Variants in KLHL4 observed in about 807,000 individuals in gnomAD.
KLHL4 encodes kelch like family member 4.
KLHL4 carries 17 observed loss-of-function variants against 45.8 expected under a neutral mutation model. The observed-to-expected ratio is 0.37, with a 90% CI of 0.25 to 0.56. The LOEUF (loss-of-function observed/expected upper bound fraction) is 0.56, where lower values mean the gene tolerates loss of function less well. KLHL4 is among the 20% of genes least tolerant of loss of function. KLHL4 has a pLI of 0.79. For missense variants in KLHL4, 544 were observed against 544.9 expected, an observed-to-expected ratio of 1.00 and a Z score of 0.02; for synonymous variants, 224 against 189.9, an observed-to-expected ratio of 1.18 and a Z score of -1.47.
chrX:87,598,071 GT>G (rs1335213473), intron 1 of KLHL4, among the ~76,000 whole-genome samples: 3 of 109,043 alleles, frequency 2.8e-5, no homozygotes, highest in Non-Finnish European at 3.8e-5. Context: ...TTTCTATTCT[GT>G]TTTGAAAAGT....
chrX:87,650,707 T>C (rs753808594), intron 9 of KLHL4, among the ~76,000 whole-genome samples: 8 of 111,780 alleles, frequency 7.2e-5, no homozygotes, highest in African/African-American at 2.6e-4. Flanking sequence ...AGTTTTGGGT[T>C]AAACATTTAA....
At chrX:87,622,814 C>A (rs960383761) in intron 5 of KLHL4, among the ~76,000 whole-genome samples, 2 of 110,844 alleles carry the variant, frequency 1.8e-5, no homozygotes, top group Non-Finnish European at 3.8e-5. Context: ...TGAATAATAT[C>A]TTTTAATATT....
chrX:87,668,363 C>T lies in KLHL4; in HGVS notation c.*1829C>T, dbSNP rs182237046. ...TAGGCAGACTGTGTCTAGAGTCATGCATGGACAAGAGGAAAGTGAAAGTTG... is the reference window on the plus strand; with the variant it reads ...TAGGCAGACTGTGTCTAGAGTCATGTATGGACAAGAGGAAAGTGAAAGTTG... On this transcript the variant is annotated 3_prime_UTR_variant, in exon 11 of 11. Coordinates refer to ENST00000373119, the MANE Select transcript of KLHL4 (RefSeq NM_019117.5). 4.4e-4 allele frequency: 334 copies of T among 751,748 alleles called. 1 individual carries two copies. The highest frequency in any genetic ancestry group is 2.3e-3 in the Admixed American group (26 of 11,359). 62.0% of individuals were successfully genotyped at this position (751,748 alleles called of 1,213,427 possible).
At chrX:87,594,261 G>A (rs1308448924) in intron 1 of KLHL4, among the ~76,000 whole-genome samples, 1 of 111,515 alleles carries the variant, frequency 9.0e-6, no homozygotes, top group Non-Finnish European at 1.9e-5. Context: ...TAATATAAAT[G>A]TATGCATCCT....
chrX:87,517,892 C>A lies in KLHL4; in HGVS notation c.-2C>A, dbSNP rs754719384. 5.9e-6 allele frequency: 7 copies of A among 1,194,578 alleles called. No homozygotes were observed. The highest frequency in any genetic ancestry group is 5.3e-5 in the African/African-American group (3 of 56,754). On this transcript the variant is annotated 5_prime_UTR_variant, in exon 1 of 11. Coordinates refer to ENST00000373119, the MANE Select transcript of KLHL4 (RefSeq NM_019117.5). ...AAGGCTTTTGTCTTTCCTCCTGCTA[C>A]GATGTCAGTGTCTGGCAAGAAAGAG...
At chrX:87,555,746 C>G (rs1487764888) in intron 1 of KLHL4, among the ~76,000 whole-genome samples, 1 of 106,942 alleles carries the variant, frequency 9.4e-6, no homozygotes, top group Non-Finnish European at 1.9e-5. Flanking sequence ...TTAGTTATTT[C>G]TTGCCTTCTG....
At chrX:87,637,463 C>T (rs1194621900) in intron 9 of KLHL4, among the ~76,000 whole-genome samples, 2 of 111,416 alleles carry the variant, frequency 1.8e-5, no homozygotes, top group African/African-American at 6.5e-5. Flanking sequence ...AGCTCACCAG[C>T]AATGGATCCA....
chrX:87,661,885 G>C (rs892381205), intron 9 of KLHL4, among the ~76,000 whole-genome samples: 1 of 111,395 alleles, frequency 9.0e-6, no homozygotes, highest in Non-Finnish European at 1.9e-5. Context: ...ATGTGACCTT[G>C]ACCCAGTTAC....
At chrX:87,604,772 T>C (rs1353925227) in intron 1 of KLHL4, among the ~76,000 whole-genome samples, 1 of 111,725 alleles carries the variant, frequency 9.0e-6, no homozygotes, top group Non-Finnish European at 1.9e-5. Context: ...TTCAGTTTGA[T>C]GTAGTTCATT....
chrX:87,622,243 A>G lies in KLHL4; in HGVS notation c.957A>G (p.Glu319=). 1.7e-6 allele frequency: 2 copies of G among 1,209,337 alleles called. No homozygotes were observed. Among genetic ancestry groups the G allele is most frequent in the Non-Finnish European group, 2.2e-6 (2 of 893,523 alleles). Reference sequence around the variant, plus strand: ...TCATTGAGGTAATAAAAAACCAAGAATTCCTCCTGCTTCCAGCTAATGAAA... The same window carrying G: ...TCATTGAGGTAATAAAAAACCAAGAGTTCCTCCTGCTTCCAGCTAATGAAA... ...EHFIEVIKNQ[E]FLLLPANEIS... Residue 319 remains glutamate (E), a synonymous_variant, in exon 5 of 11, where the codon GAA becomes GAG. Coordinates refer to ENST00000373119, the MANE Select transcript of KLHL4 (RefSeq NM_019117.5).
In KLHL4 at chrX:87,669,382, T is replaced by C; in HGVS notation, c.*2848T>C. The stretch of plus-strand genomic sequence containing the variant: ...ATACCACACAGAAGCTGAAAGAGAC[T>C]CTGGGGCACTAAATTCAGATCCTTT... On this transcript the variant is annotated 3_prime_UTR_variant, in exon 11 of 11. Transcript: ENST00000373119. 8.3e-7 allele frequency: 1 copy of C among 1,209,238 alleles called. No individual in the cohort carries two copies. The highest frequency in any genetic ancestry group is 1.1e-6 in the Non-Finnish European group (1 of 893,883).
intron 1 of KLHL4, among the ~76,000 whole-genome samples, chrX:87,598,068 T>C (rs1346046105): frequency 2.7e-5 from 3 of 110,570 alleles, no homozygotes; most frequent in Non-Finnish European, 3.8e-5. Context: ...CTATTTCTAT[T>C]CTGTTTTGAA....
At chrX:87,532,371 G>A (rs758940137) in intron 1 of KLHL4, among the ~76,000 whole-genome samples, 28 of 111,062 alleles carry the variant, frequency 2.5e-4, no homozygotes, top group African/African-American at 8.8e-4. Flanking sequence ...GTAGCATGAT[G>A]ACTCCAGCTT....
intron 1 of KLHL4, among the ~76,000 whole-genome samples, chrX:87,521,497 A>G (rs967050007): frequency 4.5e-5 from 5 of 111,764 alleles, no homozygotes; most frequent in Non-Finnish European, 9.4e-5. Context: ...GAGGCAATAA[A>G]AACAAACCAA....
intron 1 of KLHL4, among the ~76,000 whole-genome samples, chrX:87,549,834 A>G (rs1202271745): frequency 9.0e-6 from 1 of 111,351 alleles, no homozygotes; most frequent in Non-Finnish European, 1.9e-5. Context: ...GACTTCACAT[A>G]AACAATCTAA....
At position 87,668,202 on chromosome X, in the gene KLHL4, A is replaced by G; in HGVS notation, c.*1668A>G. 2.7e-6 allele frequency: 2 copies of G among 752,626 alleles called. No homozygotes were observed. Among genetic ancestry groups the G allele is most frequent in the Non-Finnish European group, 3.1e-6 (2 of 637,897 alleles). 62.0% of individuals were successfully genotyped at this position (752,626 alleles called of 1,213,427 possible). ...ACCTTATTGAAATCAGTGTAGAAGTAGAGTTACCTAAACCTTTATCGCCAA... is the reference window on the plus strand; with the variant it reads ...ACCTTATTGAAATCAGTGTAGAAGTGGAGTTACCTAAACCTTTATCGCCAA... On this transcript the variant is annotated 3_prime_UTR_variant, in exon 11 of 11. Coordinates refer to ENST00000373119, the MANE Select transcript of KLHL4 (RefSeq NM_019117.5).
At position 87,653,396 on chromosome X, in the gene KLHL4, G is replaced by A. The variant is rs551433401; in HGVS notation, c.1926-11368G>A. On this transcript the variant is annotated intron_variant, in intron 9 of 10. Coordinates refer to ENST00000373119, the MANE Select transcript of KLHL4 (RefSeq NM_019117.5). Reference sequence around the variant, plus strand: ...GAAAAAAAGCTCAACATCACTTATCGTTAGATAAATGCAAATCAAAACCAC... The same window carrying A: ...GAAAAAAAGCTCAACATCACTTATCATTAGATAAATGCAAATCAAAACCAC... 2.1e-4 allele frequency among the ~76,000 whole-genome samples: 23 copies of A among 111,472 alleles called. No individual in the cohort carries two copies. The South Asian group carries it at 4.5e-3, about 22-fold the overall frequency.
chrX:87,661,055 A>C (rs1045102621), intron 9 of KLHL4, among the ~76,000 whole-genome samples: 2 of 112,456 alleles, frequency 1.8e-5, no homozygotes, highest in Admixed American at 1.9e-4. Flanking sequence ...TTTGCTATGA[A>C]AATCACATCT....
At chrX:87,623,839 T>G (rs1408699411) in intron 5 of KLHL4, among the ~76,000 whole-genome samples, 1 of 111,465 alleles carries the variant, frequency 9.0e-6, no homozygotes, top group African/African-American at 3.3e-5. Context: ...TATGGAAATT[T>G]TATGTTTGGG....
Sources: allele counts gnomAD v4.1 joint callset (sites outside exome capture counted in the v4.1 genomes callset), GRCh38; gene constraint gnomAD v4.1.1; transcripts MANE v1.5; gene names NCBI Gene and HGNC (gene_info 2026-07-23, HGNC 2026-07-21).